The following PRICKLE1 variants were observed in gnomAD, a reference collection of about 807,000 sequenced individuals.
PRICKLE1 encodes prickle planar cell polarity protein 1, also known as prickle-like protein 1.
Under a neutral mutation model 70.2 loss-of-function variants are expected in PRICKLE1, and 14 were observed. The observed-to-expected ratio is 0.20, with a 90% CI of 0.13 to 0.31. PRICKLE1 has a LOEUF of 0.31. PRICKLE1 is among the 10% of genes least tolerant of loss of function. PRICKLE1 has a pLI of 1.00. For synonymous variants in PRICKLE1, 357 were observed against 379.9 expected (o/e 0.94, Z 0.70); for missense variants, 821 against 1,026.2 (o/e 0.80, Z 2.73).
chr12:42,479,238 C>CA (rs1938696780), intron 1 of PRICKLE1, among the ~76,000 whole-genome samples: 1 of 152,318 alleles, frequency 6.6e-6, no homozygotes, highest in Admixed American at 6.5e-5. Context: ...ATGTTAATAA[C>CA]AAAACCTGAG....
chr12:42,554,365 A>G (rs936514748), intron 1 of PRICKLE1, among the ~76,000 whole-genome samples: 4 of 152,190 alleles, frequency 2.6e-5, no homozygotes, highest in Non-Finnish European at 5.9e-5. Context: ...AAGTAAAATA[A>G]CCCATAATTT....
At chr12:42,495,615 G>A (rs1480082004) in intron 1 of PRICKLE1, among the ~76,000 whole-genome samples, 1 of 151,182 alleles carries the variant, frequency 6.6e-6, no homozygotes, top group Non-Finnish European at 1.5e-5. Context: ...TTTTTAGATG[G>A]AGTCTCGCTC....
At chr12:42,569,964 C>A (rs976861612) in intron 1 of PRICKLE1, among the ~76,000 whole-genome samples, 4 of 152,230 alleles carry the variant, frequency 2.6e-5, no homozygotes, top group African/African-American at 9.6e-5. Context: ...CCCGGCACTT[C>A]TTTGTGAATC....
intron 1 of PRICKLE1, among the ~76,000 whole-genome samples, chr12:42,501,451 A>G (rs1939305312): frequency 7.4e-6 from 1 of 135,278 alleles, no homozygotes; most frequent in African/African-American, 2.7e-5. Flanking sequence ...GGGAGGTTGT[A>G]GTGAGCCAAG....
rs530282902 is a variant in PRICKLE1, at chr12:42,517,558, C to T, written c.-48-44994G>A. On this transcript the variant is annotated intron_variant, in intron 1 of 7. Transcript: ENST00000345127. ...TGATCTCCTGACCTCGTGATCCGCC[C>T]ATCTTGGCTTCCCAAAGTGCTGGTA... 2.6e-5 allele frequency among the ~76,000 whole-genome samples: 4 copies of T among 152,130 alleles called. No individual in the cohort carries two copies. The South Asian group carries it at 8.3e-4, about 32-fold the overall frequency.
intron 1 of PRICKLE1, among the ~76,000 whole-genome samples, chr12:42,561,361 C>A (rs1345857550): frequency 6.6e-6 from 1 of 152,190 alleles, no homozygotes; most frequent in Non-Finnish European, 1.5e-5. Flanking sequence ...GACCTTCTTT[C>A]TTCTACCAAA....
At chr12:42,587,643 C>T (rs909178780) in intron 1 of PRICKLE1, among the ~76,000 whole-genome samples, 1 of 152,222 alleles carries the variant, frequency 6.6e-6, no homozygotes, top group Non-Finnish European at 1.5e-5. Context: ...CCAGCAGGTG[C>T]TGTATTTTGC....
At chr12:42,556,442 C>A (rs758523590) in intron 1 of PRICKLE1, among the ~76,000 whole-genome samples, 3 of 152,158 alleles carry the variant, frequency 2.0e-5, no homozygotes, top group Non-Finnish European at 2.9e-5. Context: ...TAGAATCCCA[C>A]CCTGTAAGGG....
At position 42,460,098 on chromosome 12, in the gene PRICKLE1, T is replaced by G; in HGVS notation, c.2207A>C (p.His736Pro). The G allele has an allele frequency of 6.2e-7, 1 of 1,614,062 alleles. No homozygotes were observed. Among genetic ancestry groups the G allele is most frequent in the Non-Finnish European group, 8.5e-7 (1 of 1,179,998 alleles). Residue 736 changes from histidine to proline, a missense_variant, in exon 8 of 8, where the codon CAT (histidine) becomes CCT (proline). His to Pro is a moderately conservative substitution (Grantham distance 77, BLOSUM62 -2). Coordinates refer to ENST00000345127, the MANE Select transcript of PRICKLE1 (RefSeq NM_153026.3). ...QNADLYGQYAHATSDYGLQNP... is the reference protein window; with the variant it reads ...QNADLYGQYAPATSDYGLQNP... ...CTGCAGGCCATAATCGGAAGTGGCA[T>G]GGGCGTACTGTCCGTAGAGATCAGC...
In PRICKLE1 at chr12:42,527,943, A is replaced by C. The variant is rs1242138336; in HGVS notation, c.-48-55379T>G. Reference sequence around the variant, plus strand: ...TATATATATATATATATATATATATATATATATATATATATATATATATAT... The same window carrying C: ...TATATATATATATATATATATATATCTATATATATATATATATATATATAT... On this transcript the variant is annotated intron_variant, in intron 1 of 7. Transcript: ENST00000345127. Among the ~76,000 whole-genome samples the C allele has an allele frequency of 7.2e-3, 517 of 71,358 alleles. 24 individuals are homozygous for C. Among genetic ancestry groups the C allele is most frequent in the African/African-American group, 8.1e-3 (153 of 18,970 alleles). 46.8% of individuals were successfully genotyped at this position (71,358 alleles called of 152,430 possible).
intron 7 of PRICKLE1, among the ~76,000 whole-genome samples, chr12:42,462,073 CA>C (rs1370639173): frequency 6.6e-6 from 1 of 152,188 alleles, no homozygotes; most frequent in Non-Finnish European, 1.5e-5. Flanking sequence ...GCTGGGATTA[CA>C]GGTGTGAGCC....
At chr12:42,479,745 C>G (rs1031920240) in intron 1 of PRICKLE1, among the ~76,000 whole-genome samples, 2 of 152,078 alleles carry the variant, frequency 1.3e-5, no homozygotes, top group Non-Finnish European at 2.9e-5. Flanking sequence ...TACTTGAGGT[C>G]AGGAGTTCGA....
At position 42,460,624 on chromosome 12, in the gene PRICKLE1, A is replaced by G. The variant is rs1232951000; in HGVS notation, c.1681T>C (p.Tyr561His). The change falls in exon 8 of 8, where the codon TAT (tyrosine) becomes CAT (histidine). Residue 561 changes from tyrosine (Y) to histidine (H), a missense_variant. Tyr to His is a moderately conservative substitution (Grantham distance 83). Transcript: ENST00000345127. ...ATCTCCTCAAAATTTTGCAGAGAAT[A>G]CAATGATGGCCTTGGCTTGTTTTCT... ...DGENKPRPSL[Y>H]SLQNFEEMET... 31 of 1,612,556 alleles carry G rather than the reference A, an allele frequency of 1.9e-5. No homozygotes were observed. Among genetic ancestry groups the G allele is most frequent in the Non-Finnish European group, 2.6e-5 (31 of 1,180,036 alleles).
intron 2 of PRICKLE1, 51 bp from the exon 3 acceptor site, chr12:42,470,410 A>G (rs1408823300): frequency 8.3e-7 from 1 of 1,208,908 alleles, no homozygotes; most frequent in Non-Finnish European, 1.2e-6. Context: ...TGAGCATCTC[A>G]GCTCACTTAA....
intron 1 of PRICKLE1, among the ~76,000 whole-genome samples, chr12:42,538,857 A>T (rs1429117672): frequency 6.6e-6 from 1 of 152,192 alleles, no homozygotes; most frequent in African/African-American, 2.4e-5. Flanking sequence ...TGACACATAA[A>T]TACAGTTTCT....
intron 1 of PRICKLE1, among the ~76,000 whole-genome samples, chr12:42,508,924 A>G (rs1939465415): frequency 6.6e-6 from 1 of 152,184 alleles, no homozygotes; most frequent in Non-Finnish European, 1.5e-5. Flanking sequence ...GAAATCCTAT[A>G]ATTCTCTGAT....
intron 5 of PRICKLE1, among the ~76,000 whole-genome samples, chr12:42,467,246 A>G (rs989977041): frequency 6.6e-5 from 10 of 151,698 alleles, no homozygotes; most frequent in African/African-American, 2.4e-4. Flanking sequence ...CCTCCTGAGT[A>G]GCTGGGACTA....
intron 5 of PRICKLE1, 70 bp downstream of exon 5, chr12:42,468,556 T>A: frequency 7.2e-7 from 1 of 1,388,862 alleles, no homozygotes; most frequent in South Asian, 1.2e-5. Flanking sequence ...TTTTGCTTGA[T>A]GTAAACAGTG....
chr12:42,473,324 C>T (rs142389284), intron 1 of PRICKLE1, among the ~76,000 whole-genome samples: 10 of 152,296 alleles, frequency 6.6e-5, no homozygotes, highest in African/African-American at 2.4e-4. Context: ...AGCAGGCATT[C>T]GCTGAAAAGT....
Sources: allele counts gnomAD v4.1 joint callset (sites outside exome capture counted in the v4.1 genomes callset), GRCh38; gene constraint gnomAD v4.1.1; transcripts MANE v1.5; gene names NCBI Gene and HGNC (gene_info 2026-07-23, HGNC 2026-07-21).